Variants in LRRC4C observed in about 807,000 individuals in gnomAD.
LRRC4C encodes leucine-rich repeat-containing protein 4C.
Under a neutral mutation model 33.6 loss-of-function variants are expected in LRRC4C, and 5 were observed. The observed-to-expected ratio is 0.15, with a 90% CI of 0.08 to 0.31. The LOEUF is 0.31. Among genes scored for constraint, LRRC4C ranks in the 10% least tolerant of loss-of-function variants. The pLI is 1.00. For missense variants in LRRC4C, 560 were observed against 796.7 expected, an observed-to-expected ratio of 0.70 and a Z score of 3.58; for synonymous variants, 329 against 302.0, an observed-to-expected ratio of 1.09 and a Z score of -0.93.
intron 1 of LRRC4C, among the ~76,000 whole-genome samples, chr11:41,116,711 C>G (rs1942149711): frequency 6.6e-6 from 1 of 152,096 alleles, no homozygotes; most frequent in African/African-American, 2.4e-5. Flanking sequence ...TAATTTGATG[C>G]TATCCTGATG....
At chr11:40,547,023 C>T (rs547709412) in intron 3 of LRRC4C, among the ~76,000 whole-genome samples, 2 of 152,246 alleles carry the variant, frequency 1.3e-5, no homozygotes, top group East Asian at 3.9e-4. Flanking sequence ...AGATTTTACA[C>T]AGCCTTCGCT....
intron 1 of LRRC4C, among the ~76,000 whole-genome samples, chr11:40,999,333 G>T (rs888724265): frequency 1.3e-5 from 2 of 152,034 alleles, no homozygotes; most frequent in African/African-American, 4.8e-5. Context: ...TTTGACAAAG[G>T]TATCCACATT....
intron 1 of LRRC4C, among the ~76,000 whole-genome samples, chr11:40,945,342 T>C (rs1305228582): frequency 2.0e-5 from 3 of 152,220 alleles, no homozygotes; most frequent in Non-Finnish European, 4.4e-5. Flanking sequence ...TTTTCTTCTC[T>C]CCTGGCCAAA....
chr11:40,523,247 A>G (rs1393203463), intron 3 of LRRC4C, among the ~76,000 whole-genome samples: 1 of 152,066 alleles, frequency 6.6e-6, no homozygotes, highest in African/African-American at 2.4e-5. Flanking sequence ...GTAGTATCTC[A>G]TTGTGGATTT....
chr11:41,303,440 C>T (rs1316357076), intron 1 of LRRC4C, among the ~76,000 whole-genome samples: 1 of 132,144 alleles, frequency 7.6e-6, no homozygotes, highest in East Asian at 2.5e-4. Context: ...CTCACTACAA[C>T]CTACACCTCC....
intron 2 of LRRC4C, among the ~76,000 whole-genome samples, chr11:40,819,998 C>A (rs773001438): frequency 6.6e-5 from 10 of 151,520 alleles, no homozygotes; most frequent in Non-Finnish European, 1.5e-4. Context: ...AAAAAAGACA[C>A]AAAAAACCAC....
chr11:41,387,790 A>G (rs1469571885), intron 1 of LRRC4C, among the ~76,000 whole-genome samples: 1 of 151,816 alleles, frequency 6.6e-6, no homozygotes, highest in African/African-American at 2.4e-5. Flanking sequence ...CAATGGCTAA[A>G]TATCTGAAAC....
intron 3 of LRRC4C, among the ~76,000 whole-genome samples, chr11:40,503,808 T>C (rs1157268548): frequency 6.6e-6 from 1 of 152,220 alleles, no homozygotes; most frequent in Admixed American, 6.5e-5. Context: ...AATCTGAAGC[T>C]AATGCCCTCA....
chr11:41,310,701 T>C (rs1298101017), intron 1 of LRRC4C, among the ~76,000 whole-genome samples: 1 of 152,116 alleles, frequency 6.6e-6, no homozygotes, highest in Non-Finnish European at 1.5e-5. Context: ...ACAGCATTCA[T>C]AGCAACCAGT....
chr11:41,353,804 C>T (rs984882174), intron 1 of LRRC4C, among the ~76,000 whole-genome samples: 3 of 151,964 alleles, frequency 2.0e-5, no homozygotes, highest in Non-Finnish European at 4.4e-5. Flanking sequence ...ATAACTCTTT[C>T]AATAAAATTC....
intron 1 of LRRC4C, among the ~76,000 whole-genome samples, chr11:41,125,756 G>A (rs1280533594): frequency 6.6e-6 from 1 of 152,046 alleles, no homozygotes. Context: ...CCCACAGCAA[G>A]GACATTCTTT....
chr11:41,044,099 T>C (rs1014008277), intron 1 of LRRC4C, among the ~76,000 whole-genome samples: 2 of 152,108 alleles, frequency 1.3e-5, no homozygotes, highest in African/African-American at 4.8e-5. Context: ...GGGTGATATA[T>C]TAGAAGCCAA....
At chr11:41,428,833 A>T (rs1166627763) in intron 1 of LRRC4C, among the ~76,000 whole-genome samples, 1 of 152,116 alleles carries the variant, frequency 6.6e-6, no homozygotes, top group Non-Finnish European at 1.5e-5. Flanking sequence ...GAGGAGACAG[A>T]TGTAATTAAA....
At chr11:40,805,517 TG>T (rs1206592592) in intron 2 of LRRC4C, among the ~76,000 whole-genome samples, 1 of 152,222 alleles carries the variant, frequency 6.6e-6, no homozygotes, top group Non-Finnish European at 1.5e-5. Context: ...TCTGAGACTA[TG>T]TAAATATTCT....
At chr11:40,792,950 A>G (rs978424275) in intron 2 of LRRC4C, among the ~76,000 whole-genome samples, 1 of 152,066 alleles carries the variant, frequency 6.6e-6, no homozygotes, top group Non-Finnish European at 1.5e-5. Flanking sequence ...GAACACTTGA[A>G]CACAGGGCAG....
At chr11:40,852,632 T>C (rs972231898) in intron 2 of LRRC4C, among the ~76,000 whole-genome samples, 1 of 152,112 alleles carries the variant, frequency 6.6e-6, no homozygotes, top group Non-Finnish European at 1.5e-5. Flanking sequence ...ATTAGGAGAA[T>C]CCAATTTACT....
intron 3 of LRRC4C, among the ~76,000 whole-genome samples, chr11:40,523,617 G>A (rs61886215): frequency 1.5e-5 from 1 of 68,202 alleles, no homozygotes. Context: ...ATATAATAGA[G>A]TATTCTATTA....
At chr11:40,479,214 C>T (rs1376818201) in intron 3 of LRRC4C, among the ~76,000 whole-genome samples, 4 of 152,040 alleles carry the variant, frequency 2.6e-5, no homozygotes, top group Non-Finnish European at 5.9e-5. Context: ...CATTATAATC[C>T]TATTAATTTA....
chr11:41,362,726 T>C lies in LRRC4C; in HGVS notation c.-496+96705A>G, dbSNP rs1021945206. 2.0e-5 allele frequency among the ~76,000 whole-genome samples: 3 copies of C among 152,262 alleles called. No homozygotes were observed. The East Asian group carries it at 5.8e-4, about 29-fold the overall frequency. ...AAATTGTTAACAGGTCAGGTTCTCA[T>C]GGAAGGCTCTAAGGAAAAGTCAGTG... On this transcript the variant is annotated intron_variant, in intron 1 of 6. Coordinates refer to ENST00000528697, the MANE Select transcript of LRRC4C (RefSeq NM_001258419.2).
Sources: allele counts gnomAD v4.1 joint callset (sites outside exome capture counted in the v4.1 genomes callset), GRCh38; gene constraint gnomAD v4.1.1; transcripts MANE v1.5; gene names NCBI Gene and HGNC (gene_info 2026-07-23, HGNC 2026-07-21).